The following CBFA2T2 variants were observed in gnomAD, a reference collection of about 807,000 sequenced individuals.
CBFA2T2 encodes the protein protein CBFA2T2.
Under a neutral mutation model 62.2 loss-of-function variants are expected in CBFA2T2, and 11 were observed. That is an observed-to-expected ratio of 0.18 (90% CI 0.11 to 0.29). The LOEUF is 0.29. Ranked by LOEUF, CBFA2T2 falls within the 10% of genes least tolerant of loss-of-function variation. The probability of loss-of-function intolerance (pLI) is 1.00; values close to 1 mark genes in which losing one functional copy is unlikely to be tolerated. For missense variants in CBFA2T2, 592 were observed against 774.1 expected (o/e 0.76, Z 2.79); for synonymous variants, 295 against 287.5 (o/e 1.03, Z -0.27).
Position 33,510,667 on chromosome 20 carries a change from G to C in CBFA2T2, c.34+20366G>C, listed in dbSNP as rs1052732683. Among the ~76,000 whole-genome samples, 6 of 152,190 alleles carry C rather than the reference G, an allele frequency of 3.9e-5. No individual in the cohort carries two copies. In the South Asian group the frequency reaches 1.2e-3, roughly 32 times the overall value. Reference sequence around the variant, plus strand: ...TATATGCCCAGTAATGGGATCGCTGGGTCAAATGGTATTTCTAGTTCTAGA... The same window carrying C: ...TATATGCCCAGTAATGGGATCGCTGCGTCAAATGGTATTTCTAGTTCTAGA... On this transcript the variant is annotated intron_variant, in intron 1 of 10. Transcript: ENST00000342704.
rs765681667 is a variant in CBFA2T2, at chr20:33,544,945, C to CAGAATAGAATAGAATAGAAT, written c.34+54694_34+54713dup. ...GCATGCATGAGTGAATAGAATAGAACAGAATAGAATAGAATAGAATAGAAT... is the reference window on the plus strand; with the variant it reads ...GCATGCATGAGTGAATAGAATAGAACAGAATAGAATAGAATAGAATAGAATAGAATAGAATAGAATAGAAT... On this transcript the variant is annotated intron_variant, in intron 1 of 10. Coordinates refer to ENST00000342704, the MANE Select transcript of CBFA2T2 (RefSeq NM_001032999.3). Among the ~76,000 whole-genome samples, 563 of 130,964 alleles carry CAGAATAGAATAGAATAGAAT rather than the reference C, an allele frequency of 4.3e-3. 1 individual carries two copies. Among genetic ancestry groups the CAGAATAGAATAGAATAGAAT allele is most frequent in the Middle Eastern group, 0.01 (3 of 286 alleles). 85.9% of individuals were successfully genotyped at this position (130,964 alleles called of 152,430 possible).
intron 1 of CBFA2T2, among the ~76,000 whole-genome samples, chr20:33,595,175 A>G (rs971593507): frequency 6.6e-6 from 1 of 152,242 alleles, no homozygotes; most frequent in Non-Finnish European, 1.5e-5. Flanking sequence ...TTCTTAATGC[A>G]TTTCTGGTGG....
At chr20:33,521,413 T>A (rs1369475963) in intron 1 of CBFA2T2, among the ~76,000 whole-genome samples, 4 of 152,202 alleles carry the variant, frequency 2.6e-5, no homozygotes, top group Non-Finnish European at 4.4e-5. Flanking sequence ...GTTATAATAA[T>A]AACTCTCTGA....
chr20:33,519,079 A>G (rs1172619779), intron 1 of CBFA2T2, among the ~76,000 whole-genome samples: 1 of 152,148 alleles, frequency 6.6e-6, no homozygotes, highest in Non-Finnish European at 1.5e-5. Flanking sequence ...TTAAATAATG[A>G]TTAAGGAAAG....
chr20:33,572,411 A>C (rs552929161), intron 1 of CBFA2T2, among the ~76,000 whole-genome samples: 1 of 152,222 alleles, frequency 6.6e-6, no homozygotes, highest in Non-Finnish European at 1.5e-5. Context: ...TAGCTAAATG[A>C]TATTAACAGA....
chr20:33,565,917 A>G (rs184694052), intron 1 of CBFA2T2, among the ~76,000 whole-genome samples: 8 of 152,326 alleles, frequency 5.3e-5, no homozygotes, highest in Admixed American at 5.2e-4. Context: ...TGAGTGAACG[A>G]ATGTATTTAA....
chr20:33,503,849 CTT>C (rs75121938), intron 1 of CBFA2T2, among the ~76,000 whole-genome samples: 6 of 142,254 alleles, frequency 4.2e-5, no homozygotes, highest in Admixed American at 7.1e-5. Context: ...ATCAAATTTA[CTT>C]TTTTTTTTTT....
intron 1 of CBFA2T2, among the ~76,000 whole-genome samples, chr20:33,529,354 C>T (rs1252993129): frequency 1.3e-5 from 2 of 152,226 alleles, no homozygotes; most frequent in South Asian, 2.1e-4. Flanking sequence ...ACGACATTTT[C>T]TCACAGATTC....
chr20:33,519,524 T>C (rs1029335688), intron 1 of CBFA2T2, among the ~76,000 whole-genome samples: 48 of 152,142 alleles, frequency 3.2e-4, no homozygotes, highest in Non-Finnish European at 3.5e-4. Context: ...GTAGGTTATA[T>C]GCAAATATTA....
intron 1 of CBFA2T2, among the ~76,000 whole-genome samples, chr20:33,542,182 G>C (rs1313901206): frequency 6.6e-6 from 1 of 152,194 alleles, no homozygotes; most frequent in Non-Finnish European, 1.5e-5. Context: ...AGATGAGCTT[G>C]AGTATGTGGG....
intron 1 of CBFA2T2, among the ~76,000 whole-genome samples, chr20:33,597,785 A>G (rs534503114): frequency 3.9e-5 from 6 of 152,324 alleles, no homozygotes; most frequent in African/African-American, 1.4e-4. Flanking sequence ...CCACAGGTGC[A>G]TGCCACTGTG....
At chr20:33,586,416 G>C (rs1043748887) in intron 1 of CBFA2T2, among the ~76,000 whole-genome samples, 9 of 152,090 alleles carry the variant, frequency 5.9e-5, no homozygotes, top group African/African-American at 1.9e-4. Context: ...TTACAGGGGT[G>C]AGCCACCGCG....
chr20:33,506,418 T>A (rs2011404822), intron 1 of CBFA2T2, among the ~76,000 whole-genome samples: 1 of 152,050 alleles, frequency 6.6e-6, no homozygotes, highest in Non-Finnish European at 1.5e-5. Flanking sequence ...TTGAAAAAAA[T>A]TAATACAGAT....
chr20:33,557,831 TC>T (rs1194109357), intron 1 of CBFA2T2, among the ~76,000 whole-genome samples: 1 of 150,526 alleles, frequency 6.6e-6, no homozygotes, highest in African/African-American at 2.4e-5. Context: ...TATTTCTCTC[TC>T]TTTTTTTTTT....
At chr20:33,544,945 CAGAATAGAATAGAATAGAATAGAAT>C (rs765681667) in intron 1 of CBFA2T2, among the ~76,000 whole-genome samples, 2,000 of 130,962 alleles carry the variant, frequency 0.015, 25 homozygotes, top group South Asian at 0.031. Flanking sequence ...TAGAATAGAA[CAGAATAGAATAGAATAGAATAGAAT>C]AGAATAGAAT....
At chr20:33,631,281 T>A (rs2016440205) in intron 8 of CBFA2T2, among the ~76,000 whole-genome samples, 2 of 152,230 alleles carry the variant, frequency 1.3e-5, no homozygotes, top group South Asian at 4.1e-4. Flanking sequence ...GCCATTGCAC[T>A]CTAGCCTGGG....
chr20:33,629,629 T>C, intron 7 of CBFA2T2, 90 bp from the exon 8 acceptor site: 2 of 1,170,374 alleles, frequency 1.7e-6, no homozygotes, highest in Non-Finnish European at 2.4e-6. Flanking sequence ...TTAAGGAACC[T>C]GAATTCCTCA....
At position 33,629,925 on chromosome 20, in the gene CBFA2T2, A is replaced by T. The variant is rs1329402961; in HGVS notation, c.1228+11A>T. ...ATTCTCTCAGCAATGGTAAGGGGAGAGTCTACGGGAAACCCAAAATAAATG... is the reference window on the plus strand; with the variant it reads ...ATTCTCTCAGCAATGGTAAGGGGAGTGTCTACGGGAAACCCAAAATAAATG... On this transcript the variant is annotated intron_variant, in intron 8 of 10. Transcript: ENST00000342704. The T allele has an allele frequency of 1.3e-6, 2 of 1,589,222 alleles. No individual in the cohort carries two copies. The highest frequency in any genetic ancestry group is 1.7e-6 in the Non-Finnish European group (2 of 1,170,492).
chr20:33,602,891 G>T (rs2122276538), intron 1 of CBFA2T2, among the ~76,000 whole-genome samples: 1 of 152,242 alleles, frequency 6.6e-6, no homozygotes, highest in Non-Finnish European at 1.5e-5. Context: ...TTGACCACAA[G>T]CACTGCAAAA....
Sources: allele counts gnomAD v4.1 joint callset (sites outside exome capture counted in the v4.1 genomes callset), GRCh38; gene constraint gnomAD v4.1.1; transcripts MANE v1.5; gene names NCBI Gene and HGNC (gene_info 2026-07-23, HGNC 2026-07-21).